CFAP53: variants seen among roughly 807,000 people sequenced by gnomAD.
The protein encoded by CFAP53 is cilia- and flagella-associated protein 53.
A neutral mutation model predicts 59.7 loss-of-function variants in CFAP53; 62 were observed. That is an observed-to-expected ratio of 1.04 (90% confidence interval 0.85 to 1.28). The LOEUF is 1.28. Among genes scored for constraint, CFAP53 ranks in the 50% most tolerant of loss-of-function variants. The probability of loss-of-function intolerance (pLI) is 0.00; values close to 1 mark genes in which losing one functional copy is unlikely to be tolerated. For missense variants in CFAP53, 629 were observed against 615.6 expected, an observed-to-expected ratio of 1.02 and a Z score of -0.23; for synonymous variants, 218 against 205.7, an observed-to-expected ratio of 1.06 and a Z score of -0.51.
intron 6 of CFAP53, 73 bp from the exon 7 acceptor site, chr18:50,238,778 G>GAA: frequency 1.0e-5 from 11 of 1,070,944 alleles, no homozygotes; most frequent in Non-Finnish European, 1.5e-5. Flanking sequence ...CTGGGCACCA[G>GAA]AGTCATATTG....
At position 50,250,234 on chromosome 18, in the gene CFAP53, AAAAGAG is replaced by A. The variant is rs1182985438; in HGVS notation, c.996+518_996+523del. Among the ~76,000 whole-genome samples, 606 of 142,588 alleles carry A rather than the reference AAAAGAG, an allele frequency of 4.3e-3. 3 individuals are homozygous for A. Among genetic ancestry groups the A allele is most frequent in the East Asian group, 0.03 (148 of 4,926 alleles). 93.5% of individuals were successfully genotyped at this position (142,588 alleles called of 152,430 possible). On this transcript the variant is annotated intron_variant, in intron 5 of 7. Coordinates refer to ENST00000398545, the MANE Select transcript of CFAP53 (RefSeq NM_145020.5). ...ACCCCTGTCTCAAAAAAAAAAAAAA[AAAAGAG>A]AGAGAGAGAGAGAAGTTTAATTAAA...
chr18:50,241,716 CAG>C (rs2033691762), intron 6 of CFAP53, among the ~76,000 whole-genome samples: 1 of 151,994 alleles, frequency 6.6e-6, no homozygotes, highest in African/African-American at 2.4e-5. Context: ...GGTGTACAAA[CAG>C]GGAGTAGGTC....
At chr18:50,256,634 T>G (rs1217978400) in intron 3 of CFAP53, among the ~76,000 whole-genome samples, 1 of 152,072 alleles carries the variant, frequency 6.6e-6, no homozygotes, top group Non-Finnish European at 1.5e-5. Flanking sequence ...CTGCAATGGC[T>G]TACTTCTCCT....
intron 7 of CFAP53, among the ~76,000 whole-genome samples, chr18:50,236,811 G>C (rs535790894): frequency 6.6e-6 from 1 of 152,178 alleles, no homozygotes; most frequent in Admixed American, 6.5e-5. Flanking sequence ...TAGGTGAGCC[G>C]TGTTGACCCA....
At chr18:50,233,831 C>A in intron 7 of CFAP53, among the ~76,000 whole-genome samples, 2 of 152,210 alleles carry the variant, frequency 1.3e-5, no homozygotes, top group East Asian at 3.8e-4. Flanking sequence ...AAATTACTAA[C>A]AAGCCTGATA....
At chr18:50,255,888 A>T (rs1299220898) in intron 3 of CFAP53, 1 of 152,020 alleles carries the variant, frequency 6.6e-6, no homozygotes, top group Non-Finnish European at 1.5e-5. Context: ...AAAGAGGAAA[A>T]TTTTCATTCT....
intron 7 of CFAP53, among the ~76,000 whole-genome samples, chr18:50,230,678 T>C (rs1342446610): frequency 1.3e-5 from 2 of 152,270 alleles, no homozygotes; most frequent in East Asian, 3.9e-4. Flanking sequence ...TGGCAGCAGT[T>C]CTGTGGGACT....
chr18:50,259,224 G>C (rs2033870420), intron 3 of CFAP53, among the ~76,000 whole-genome samples: 1 of 152,136 alleles, frequency 6.6e-6, no homozygotes, highest in Middle Eastern at 3.2e-3. Context: ...CAGATGAATG[G>C]ATAAAGAAAA....
At position 50,266,486 on chromosome 18, in the gene CFAP53, G is replaced by C. The variant is rs1434919899; in HGVS notation, c.-82C>G. 1 of 1,397,362 alleles carries C rather than the reference G, an allele frequency of 7.2e-7. No individual in the cohort carries two copies. The allele number at this position is 1,397,362 out of a possible 1,614,324, so 86.6% of individuals were successfully genotyped here. A position where few individuals can be genotyped will look rare whatever the true frequency, so the allele number is the denominator to read the frequency against. ...GACCTGCGGGACCCGCTTCCGCGAC[G>C]CAGAAGTCTGGTTGCCATGGTGCGC... On this transcript the variant is annotated 5_prime_UTR_variant, in exon 1 of 8. Coordinates refer to ENST00000398545, the MANE Select transcript of CFAP53 (RefSeq NM_145020.5).
chr18:50,242,251 A>T (rs1180597141), intron 6 of CFAP53, among the ~76,000 whole-genome samples: 1 of 152,172 alleles, frequency 6.6e-6, no homozygotes, highest in Non-Finnish European at 1.5e-5. Flanking sequence ...TTTACAGTTA[A>T]CGCAATCATC....
chr18:50,254,351 A>T (rs1378645495), intron 3 of CFAP53, among the ~76,000 whole-genome samples: 1 of 152,224 alleles, frequency 6.6e-6, no homozygotes, highest in Admixed American at 6.5e-5. Flanking sequence ...CAGATGGAAA[A>T]TAAGCACATG....
In CFAP53 at chr18:50,250,759, C is replaced by G; in HGVS notation, c.995G>C (p.Arg332Thr). 1 of 1,613,238 alleles carries G rather than the reference C, an allele frequency of 6.2e-7. No individual in the cohort carries two copies. Residue 332 changes from arginine to threonine, a missense_variant and splice_region_variant, in exon 5 of 8, where the codon AGA becomes ACA. Physicochemically the swap from Arg to Thr is moderately conservative, Grantham distance 71 (BLOSUM62 -1). Coordinates refer to ENST00000398545, the MANE Select transcript of CFAP53 (RefSeq NM_145020.5). The part of the protein sequence containing the change: ...QEEADKKKQK[R>T]EDMIREQKIY... ...GCAGGCACCAAAAAAATGTCTTACT[C>G]TTTTTTGTTTCTTTTTATCTGCCTC...
Position 50,250,915 on chromosome 18 carries a change from G to T in CFAP53, c.839C>A (p.Ala280Glu). The change falls in exon 5 of 8, where the codon GCA becomes GAA. Residue 280 changes from alanine to glutamate, a missense_variant. Ala to Glu is a moderately radical substitution (Grantham distance 107, BLOSUM62 -1). Transcript: ENST00000398545. ...CAAAATGGTCCTAGTTTCCTGCTTT[G>T]CCTTCTGTTTCTTTAGCATATCCTG... Reference protein sequence around the residue: ...NEQDMLKKQKAKQETRTILQK... With the variant: ...NEQDMLKKQKEKQETRTILQK... 1.2e-6 allele frequency: 2 copies of T among 1,614,100 alleles called. No homozygotes were observed. Among genetic ancestry groups the T allele is most frequent in the Non-Finnish European group, 1.7e-6 (2 of 1,180,022 alleles).
chr18:50,234,153 A>G (rs541248091), intron 7 of CFAP53, among the ~76,000 whole-genome samples: 1 of 152,350 alleles, frequency 6.6e-6, no homozygotes, highest in East Asian at 1.9e-4. Flanking sequence ...AAGCTATATG[A>G]CAACAATGAC....
chr18:50,242,133 T>A (rs957134137), intron 6 of CFAP53, among the ~76,000 whole-genome samples: 2 of 152,214 alleles, frequency 1.3e-5, no homozygotes, highest in African/African-American at 4.8e-5. Flanking sequence ...CCGCAGGCAG[T>A]CAGACCTTAT....
At chr18:50,245,606 TTAAAG>T (rs1022183628) in intron 5 of CFAP53, among the ~76,000 whole-genome samples, 41 of 152,080 alleles carry the variant, frequency 2.7e-4, no homozygotes, top group Non-Finnish European at 5.4e-4. Context: ...TTGAAAGAAA[TTAAAG>T]TAGACCTAAA....
Position 50,242,964 on chromosome 18 carries a change from C to T in CFAP53, c.1149G>A (p.Lys383=). ...CATCCACAAGCTGTCTCCTTGCCTC[C>T]TTTTCAAGTCTCAGCTCCTTGTCCT... ...AEKDKELRLE[K]EARRQLVDEV... is the part of the protein sequence containing the mutation. The change falls in exon 6 of 8, where the codon AAG becomes AAA. Residue 383 remains lysine (K), a synonymous_variant. Transcript: ENST00000398545. 6.2e-7 allele frequency: 1 copy of T among 1,614,044 alleles called. No homozygotes were observed. Among genetic ancestry groups the T allele is most frequent in the Non-Finnish European group, 8.5e-7 (1 of 1,180,026 alleles).
chr18:50,253,899 C>T (rs747472199), intron 3 of CFAP53, among the ~76,000 whole-genome samples: 77 of 152,164 alleles, frequency 5.1e-4, no homozygotes, highest in Non-Finnish European at 8.8e-4. Flanking sequence ...AATAAAAACA[C>T]CCCAAAACAA....
At chr18:50,261,505 C>T (rs1187360260) in intron 2 of CFAP53, among the ~76,000 whole-genome samples, 2 of 152,084 alleles carry the variant, frequency 1.3e-5, no homozygotes, top group African/African-American at 4.8e-5. Flanking sequence ...GATCCTCCCA[C>T]CTCAGCCTCC....
Sources: gnomAD v4.1 joint callset for allele counts (sites outside exome capture counted in the v4.1 genomes callset) on GRCh38, gnomAD v4.1.1 for gene constraint, MANE v1.5 for transcripts, NCBI Gene and HGNC (gene_info 2026-07-23, HGNC 2026-07-21) for gene names.